The following IGSF3 variants were observed in gnomAD, a reference collection of about 807,000 sequenced individuals.
IGSF3 encodes glu-Trp-Ile EWI motif-containing protein 3.
Under a neutral mutation model 114.4 loss-of-function variants are expected in IGSF3, and 23 were observed. The ratio of observed to expected loss-of-function variants is 0.20; its 90% confidence interval spans 0.14 to 0.28. IGSF3 has a LOEUF of 0.28. Among genes scored for constraint, IGSF3 ranks in the 10% least tolerant of loss-of-function variants. The pLI is 1.00. For missense variants in IGSF3, 1,172 were observed against 1,591.5 expected (o/e 0.74, Z 4.48); for synonymous variants, 571 against 645.2 (o/e 0.88, Z 1.74).
At chr1:116,639,374 T>C (rs989019209) in intron 2 of IGSF3, among the ~76,000 whole-genome samples, 10 of 152,234 alleles carry the variant, frequency 6.6e-5, no homozygotes, top group Non-Finnish European at 8.8e-5. Context: ...ATTTTCTACC[T>C]AAATTCTACT....
chr1:116,622,581 T>A (rs1466075592), intron 2 of IGSF3, among the ~76,000 whole-genome samples: 1 of 152,194 alleles, frequency 6.6e-6, no homozygotes, highest in Non-Finnish European at 1.5e-5. Context: ...TTTTTCTCAA[T>A]ACCTTTTCTC....
chr1:116,584,926 A>G lies in IGSF3; in HGVS notation c.2567T>C (p.Val856Ala). 1 of 1,613,868 alleles carries G rather than the reference A, an allele frequency of 6.2e-7. No individual in the cohort carries two copies. The highest frequency in any genetic ancestry group is 8.5e-7 in the Non-Finnish European group (1 of 1,179,728). ...CCGCTCAGGGTGGTTGGGCTTCCAT[A>G]CAAACCATTCCACCATGAGCTGGGA... ...ITSQLMVEWF[V>A]WKPNHPERET... Residue 856 changes from valine to alanine, a missense_variant, in exon 9 of 11, where the codon GTA (valine) becomes GCA (alanine). Val to Ala is a moderately conservative substitution (Grantham distance 64). Around this residue, in one of 3 missense-constraint regions of IGSF3, gnomAD observed 423 missense variants for 509.8 expected, o/e 0.83. Coordinates refer to ENST00000369486, the MANE Select transcript of IGSF3 (RefSeq NM_001007237.3). The surrounding 1 kb of genome is among the most constrained non-coding windows in gnomAD (Gnocchi z 5.8).
At chr1:116,643,382 C>T (rs1335778497) in intron 2 of IGSF3, among the ~76,000 whole-genome samples, 5 of 152,244 alleles carry the variant, frequency 3.3e-5, no homozygotes, top group Admixed American at 6.5e-5. Context: ...GTCAATGATT[C>T]AGGGCGGACA....
Position 116,636,701 on chromosome 1 carries a change from G to A in IGSF3, c.44-20244C>T, listed in dbSNP as rs1362721543. On this transcript the variant is annotated intron_variant, in intron 2 of 10. Coordinates refer to ENST00000369486, the MANE Select transcript of IGSF3 (RefSeq NM_001007237.3). The surrounding 1 kb of genome is among the most constrained non-coding windows in gnomAD (Gnocchi z 4.5). The stretch of plus-strand genomic sequence containing the variant: ...GCCAGTGAAGAGGGGCTGGAACCCT[G>A]TCTTTTGCCTCGAAGCACAGGGCCC... Among the ~76,000 whole-genome samples the A allele has an allele frequency of 6.6e-6, 1 of 152,156 alleles. No homozygotes were observed. The highest frequency in any genetic ancestry group is 1.9e-4 in the East Asian group (1 of 5,190).
chr1:116,635,781 A>G (rs4044758), intron 2 of IGSF3, among the ~76,000 whole-genome samples: 3 of 152,220 alleles, frequency 2.0e-5, no homozygotes, highest in Non-Finnish European at 2.9e-5. Context: ...AAGCATTTCA[A>G]AGCCCTTCAT....
intron 2 of IGSF3, among the ~76,000 whole-genome samples, chr1:116,646,599 G>A (rs867370901): frequency 6.6e-6 from 1 of 152,152 alleles, no homozygotes; most frequent in African/African-American, 2.4e-5. Flanking sequence ...TTGCCAGAGG[G>A]AGAATCGAGT....
chr1:116,635,112 C>T (rs905531626), intron 2 of IGSF3, among the ~76,000 whole-genome samples: 27 of 152,178 alleles, frequency 1.8e-4, no homozygotes, highest in African/African-American at 6.3e-4. Context: ...CACTATGATT[C>T]GGGATGATCT....
At position 116,615,579 on chromosome 1, in the gene IGSF3, G is replaced by C. The variant is rs1571160095; in HGVS notation, c.421+501C>G. Reference sequence around the variant, plus strand: ...TTCAGCATTAAGGAGCAACAAGGGAGACAGCCAGTTCATAGTTCCTTACGC... The same window carrying C: ...TTCAGCATTAAGGAGCAACAAGGGACACAGCCAGTTCATAGTTCCTTACGC... On this transcript the variant is annotated intron_variant, in intron 3 of 10. Coordinates refer to ENST00000369486, the MANE Select transcript of IGSF3 (RefSeq NM_001007237.3). The surrounding 1 kb of genome is among the most constrained non-coding windows in gnomAD (Gnocchi z 4.3). 6.6e-6 allele frequency among the ~76,000 whole-genome samples: 1 copy of C among 152,160 alleles called. No individual in the cohort carries two copies. The highest frequency in any genetic ancestry group is 1.5e-5 in the Non-Finnish European group (1 of 68,030).
At position 116,616,037 on chromosome 1, in the gene IGSF3, A is replaced by T. The variant is rs1661203272; in HGVS notation, c.421+43T>A. On this transcript the variant is annotated intron_variant, in intron 3 of 10. Coordinates refer to ENST00000369486, the MANE Select transcript of IGSF3 (RefSeq NM_001007237.3). The surrounding 1 kb of genome is among the most constrained non-coding windows in gnomAD (Gnocchi z 6.6). The stretch of plus-strand genomic sequence containing the variant: ...GCAAAATTACGCTACTAAAGAACTG[A>T]GTCAGGCCAGACGCTGGCAACGTGA... 3 of 1,543,168 alleles carry T rather than the reference A, an allele frequency of 1.9e-6. No individual in the cohort carries two copies. The East Asian group carries it at 6.9e-5, about 35-fold the overall frequency.
At chr1:116,597,637 C>T (rs1040009525) in intron 7 of IGSF3, among the ~76,000 whole-genome samples, 5 of 152,246 alleles carry the variant, frequency 3.3e-5, no homozygotes, top group African/African-American at 1.2e-4. Context: ...TCTCACTTTA[C>T]AGTGAAAACA....
Position 116,575,830 on chromosome 1 carries a change from A to G in IGSF3, c.*1482T>C, listed in dbSNP as rs1659320303. 1 of 152,284 alleles carries G rather than the reference A, an allele frequency of 6.6e-6. No individual in the cohort carries two copies. Among genetic ancestry groups the G allele is most frequent in the African/African-American group, 2.4e-5 (1 of 41,466 alleles). The allele number at this position is 152,284 out of a possible 1,614,324, so 9.4% of individuals were successfully genotyped here. A position where few individuals can be genotyped will look rare whatever the true frequency, so the allele number is the denominator to read the frequency against. ...GTAAAAGAACAGGGTGACACCAGCC[A>G]TCATGGGGCTCAAGGGGCGTTAAAA... is the stretch of plus-strand genomic sequence containing the variant. On this transcript the variant is annotated 3_prime_UTR_variant, in exon 11 of 11. Transcript: ENST00000369486. The surrounding 1 kb of genome is among the most constrained non-coding windows in gnomAD (Gnocchi z 5.6).
rs865807865 is a variant in IGSF3, at chr1:116,604,679, T to C, written c.1223-654A>G. 5.6e-3 allele frequency among the ~76,000 whole-genome samples: 860 copies of C among 152,310 alleles called. 12 individuals are homozygous for C. The highest frequency in any genetic ancestry group is 0.02 in the African/African-American group (820 of 41,550). On this transcript the variant is annotated intron_variant, in intron 5 of 10. Coordinates refer to ENST00000369486, the MANE Select transcript of IGSF3 (RefSeq NM_001007237.3). ...ACAAAACAAAGCCAGCAGCTCGTCA[T>C]CCACCACTCTCCCGCCTGTCCAGTC...
At chr1:116,586,129 C>G (rs1414244413) in intron 8 of IGSF3, among the ~76,000 whole-genome samples, 3 of 152,148 alleles carry the variant, frequency 2.0e-5, no homozygotes, top group Non-Finnish European at 4.4e-5. Flanking sequence ...TGAGTGACAT[C>G]AGAGGAGGGG....
intron 2 of IGSF3, among the ~76,000 whole-genome samples, chr1:116,637,810 A>G (rs1436562719): frequency 6.6e-6 from 1 of 152,194 alleles, no homozygotes; most frequent in Admixed American, 6.5e-5. Flanking sequence ...TCTTGCCTTA[A>G]AGTCATACAG....
At position 116,600,124 on chromosome 1, in the gene IGSF3, G is replaced by A; in HGVS notation, c.1846C>T (p.Arg616Ter). ...GACTCAGCCTTCTCGATGGCAGTTCGGGTTCGGAAGCTGGAGGACCTGTCC... is the reference window on the plus strand; with the variant it reads ...GACTCAGCCTTCTCGATGGCAGTTCAGGTTCGGAAGCTGGAGGACCTGTCC... Reference protein sequence around the residue: ...WGDRSSSFRTRTAIEKAESSN... With the variant: ...WGDRSSSFRT The change falls in exon 7 of 11, where the codon CGA becomes TGA. Residue 616 changes from arginine (R) to a stop codon, truncating the protein, a stop_gained. Transcript: ENST00000369486. LOFTEE classifies it high-confidence loss of function. This position sits in a 1 kb window ranked among gnomAD's most constrained non-coding sequence, Gnocchi z 5.5. The A allele has an allele frequency of 6.2e-7, 1 of 1,614,112 alleles. No individual in the cohort carries two copies.
chr1:116,608,333 T>G lies in IGSF3; in HGVS notation c.833-2A>C, dbSNP rs1660878500. The G allele has an allele frequency of 6.2e-7, 1 of 1,610,910 alleles. No homozygotes were observed. ...CCAGCCGAACAGTGAATTCTTTGTC[T>G]GAGAGAACAAGTAAGAAAAGAGACA... is the stretch of plus-strand genomic sequence containing the variant. On this transcript the variant is annotated splice_acceptor_variant, in intron 4 of 10. Coordinates refer to ENST00000369486, the MANE Select transcript of IGSF3 (RefSeq NM_001007237.3). LOFTEE classifies it high-confidence loss of function.
At chr1:116,623,607 G>A (rs1398224354) in intron 2 of IGSF3, among the ~76,000 whole-genome samples, 1 of 152,018 alleles carries the variant, frequency 6.6e-6, no homozygotes, top group Non-Finnish European at 1.5e-5. Flanking sequence ...GGGAGATGGA[G>A]GTTGCAGCAA....
In IGSF3 at chr1:116,594,416, T is replaced by C. The variant is rs192860616; in HGVS notation, c.2030-5312A>G. Among the ~76,000 whole-genome samples, 4 of 152,354 alleles carry C rather than the reference T, an allele frequency of 2.6e-5. No individual in the cohort carries two copies. Among genetic ancestry groups the C allele is most frequent in the Admixed American group, 2.0e-4 (3 of 15,310 alleles). On this transcript the variant is annotated intron_variant, in intron 7 of 10. Coordinates refer to ENST00000369486, the MANE Select transcript of IGSF3 (RefSeq NM_001007237.3). This position sits in a 1 kb window ranked among gnomAD's most constrained non-coding sequence, Gnocchi z 5.2. ...TATAAATTATTACAAAAATGGAGTA[T>C]ATGATCTGGGTATGAGCTAAAGTCC...
chr1:116,645,845 T>C (rs1156529453), intron 2 of IGSF3, among the ~76,000 whole-genome samples: 1 of 152,172 alleles, frequency 6.6e-6, no homozygotes, highest in African/African-American at 2.4e-5. Flanking sequence ...AGGAAAGTAC[T>C]GAAATGCTGG....
Sources: gnomAD v4.1 joint callset for allele counts (sites outside exome capture counted in the v4.1 genomes callset) on GRCh38, gnomAD v4.1.1 for gene constraint, gnomAD v4.1.1 regional missense constraint, Gnocchi (gnomAD v3.1) non-coding constraint, MANE v1.5 for transcripts, NCBI Gene and HGNC (gene_info 2026-07-23, HGNC 2026-07-21) for gene names.